Variants in KIAA1217 observed in about 807,000 individuals in gnomAD.
The protein encoded by KIAA1217 is KIAA1217.
In KIAA1217, 88 loss-of-function variants were observed where a neutral mutation model predicts 163.9. The ratio of observed to expected loss-of-function variants is 0.54; its 90% CI spans 0.45 to 0.64. The LOEUF (loss-of-function observed/expected upper bound fraction) is 0.64, where lower values mean the gene tolerates loss of function less well. Ranked by LOEUF, KIAA1217 falls within the 30% of genes least tolerant of loss-of-function variation. KIAA1217 has a pLI of 0.00. For synonymous variants in KIAA1217, 903 were observed against 923.1 expected (o/e 0.98, Z 0.39); for missense variants, 2,372 against 2,475.0 (o/e 0.96, Z 0.88).
At chr10:24,091,062 A>G (rs1218127879) in intron 2 of KIAA1217, among the ~76,000 whole-genome samples, 5 of 151,954 alleles carry the variant, frequency 3.3e-5, no homozygotes, top group Admixed American at 2.0e-4. Context: ...AGATGAGATT[A>G]CCACAGTAAG....
chr10:24,146,503 T>A (rs990680648), intron 2 of KIAA1217, among the ~76,000 whole-genome samples: 3 of 152,024 alleles, frequency 2.0e-5, no homozygotes, highest in African/African-American at 7.2e-5. Flanking sequence ...CTGGGCAACA[T>A]GACGAAACCC....
At chr10:23,713,840 C>A (rs1837405273) in intron 1 of KIAA1217, among the ~76,000 whole-genome samples, 1 of 152,080 alleles carries the variant, frequency 6.6e-6, no homozygotes, top group African/African-American at 2.4e-5. Context: ...CACCTATTTC[C>A]ACCTCTAGAC....
chr10:24,453,306 G>A (rs2061524753), intron 5 of KIAA1217, among the ~76,000 whole-genome samples: 1 of 152,182 alleles, frequency 6.6e-6, no homozygotes, highest in African/African-American at 2.4e-5. Context: ...TGTGGTACCT[G>A]AGTCCAGCCA....
In KIAA1217 at chr10:24,546,044, C is replaced by A; in HGVS notation, c.5552C>A (p.Ala1851Asp). 1 of 1,614,224 alleles carries A rather than the reference C, an allele frequency of 6.2e-7. No homozygotes were observed. Among genetic ancestry groups the A allele is most frequent in the African/African-American group, 1.3e-5 (1 of 75,060 alleles). ...SPQTGPPAHS[A>D]SLIPSVSNGS... is the part of the protein sequence containing the mutation. ...CAAACAGGACCACCTGCTCACTCTG[C>A]CTCCCTCATCCCTTCTGTCTCTAAT... Residue 1851 changes from alanine (A) to aspartate (D), a missense_variant, in exon 21 of 21, where the codon GCC becomes GAC. Coordinates refer to ENST00000376454, the MANE Select transcript of KIAA1217 (RefSeq NM_019590.5).
chr10:24,155,087 CT>C (rs1235841184), intron 2 of KIAA1217, among the ~76,000 whole-genome samples: 3 of 152,138 alleles, frequency 2.0e-5, no homozygotes, highest in African/African-American at 7.2e-5. Context: ...TGTGAAAGTA[CT>C]TAAGGCACTG....
intron 1 of KIAA1217, among the ~76,000 whole-genome samples, chr10:23,962,699 G>T (rs1389095155): frequency 6.6e-6 from 1 of 152,118 alleles, no homozygotes; most frequent in Non-Finnish European, 1.5e-5. Context: ...AAATTACTTT[G>T]CCCACACAGA....
intron 3 of KIAA1217, among the ~76,000 whole-genome samples, chr10:24,400,962 T>TACACACACACAC (rs375697958): frequency 0.025 from 2,896 of 117,120 alleles, 119 homozygotes; most frequent in African/African-American, 0.063. Context: ...GCAAGAAACA[T>TACACACACACAC]ACACACACAC....
chr10:24,543,146 T>C lies in KIAA1217; in HGVS notation c.3876T>C (p.Ser1292=). Residue 1292 remains serine, a synonymous_variant, in exon 19 of 21, where the codon TCT becomes TCC. Coordinates refer to ENST00000376454, the MANE Select transcript of KIAA1217 (RefSeq NM_019590.5). ...CTAAAATCTCAGGCCTGCAATACTC[T>C]ATACCTGACACCGAGAACCAGACGC... ...KGSKISGLQY[S]IPDTENQTLN... 1 of 1,613,552 alleles carries C rather than the reference T, an allele frequency of 6.2e-7. No homozygotes were observed. The highest frequency in any genetic ancestry group is 8.5e-7 in the Non-Finnish European group (1 of 1,180,002).
chr10:23,910,407 G>C (rs1842384343), intron 1 of KIAA1217, among the ~76,000 whole-genome samples: 1 of 152,040 alleles, frequency 6.6e-6, no homozygotes, highest in Non-Finnish European at 1.5e-5. Context: ...TTCTCAATAG[G>C]AAGAGAAGGA....
chr10:24,247,024 C>A lies in KIAA1217; in HGVS notation c.354+27115C>A, dbSNP rs67778321. Among the ~76,000 whole-genome samples, 176 of 86,286 alleles carry A rather than the reference C, an allele frequency of 2.0e-3. 1 individual carries two copies. Among genetic ancestry groups the A allele is most frequent in the Non-Finnish European group, 2.2e-3 (70 of 31,234 alleles). 56.6% of individuals were successfully genotyped at this position (86,286 alleles called of 152,430 possible). ...CAAGGCTCTGTCTCAAAAAAAAAAA[C>A]AACCATATATTATTCATTAAATGCA... On this transcript the variant is annotated intron_variant, in intron 2 of 20. Transcript: ENST00000376454.
chr10:24,109,931 T>A (rs758750793), intron 2 of KIAA1217, among the ~76,000 whole-genome samples: 2 of 152,240 alleles, frequency 1.3e-5, no homozygotes, highest in African/African-American at 2.4e-5. Flanking sequence ...AGTGGCACGA[T>A]CACTGCTCAC....
intron 1 of KIAA1217, among the ~76,000 whole-genome samples, chr10:23,754,202 C>T (rs1833800609): frequency 6.6e-6 from 1 of 152,080 alleles, no homozygotes; most frequent in Admixed American, 6.6e-5. Context: ...CATTGTTAAA[C>T]AAATGTATGA....
chr10:23,722,429 T>C (rs532093547), intron 1 of KIAA1217, among the ~76,000 whole-genome samples: 11 of 151,488 alleles, frequency 7.3e-5, no homozygotes, highest in African/African-American at 2.2e-4. Flanking sequence ...AAAGAATGGT[T>C]TTAGTAGTTT....
At chr10:24,065,207 C>G (rs2060890500) in intron 2 of KIAA1217, among the ~76,000 whole-genome samples, 1 of 152,084 alleles carries the variant, frequency 6.6e-6, no homozygotes, top group Non-Finnish European at 1.5e-5. Context: ...TTTGCTCTTG[C>G]TTCTCTAGTT....
At chr10:24,531,438 AT>A (rs967759053) in intron 14 of KIAA1217, among the ~76,000 whole-genome samples, 35 of 146,992 alleles carry the variant, frequency 2.4e-4, no homozygotes, top group East Asian at 9.9e-4. Flanking sequence ...TTGGGCTTCA[AT>A]TTTTTTTTTT....
intron 1 of KIAA1217, among the ~76,000 whole-genome samples, chr10:23,754,452 G>A (rs1399899890): frequency 6.6e-6 from 1 of 152,140 alleles, no homozygotes; most frequent in Non-Finnish European, 1.5e-5. Context: ...CTCTGCCCAG[G>A]AGCCTCTCTG....
intron 1 of KIAA1217, among the ~76,000 whole-genome samples, chr10:23,830,938 A>G (rs960693403): frequency 6.0e-5 from 9 of 150,504 alleles, no homozygotes; most frequent in African/African-American, 2.2e-4. Context: ...AGTCTCTCCA[A>G]ATGCCCACAG....
intron 2 of KIAA1217, among the ~76,000 whole-genome samples, chr10:24,316,144 C>T (rs1272810830): frequency 2.6e-5 from 4 of 152,166 alleles, no homozygotes; most frequent in Non-Finnish European, 4.4e-5. Context: ...AGGGTCCGCT[C>T]ACCTGCTTCA....
At chr10:24,309,518 T>C (rs2042437957) in intron 2 of KIAA1217, among the ~76,000 whole-genome samples, 1 of 152,204 alleles carries the variant, frequency 6.6e-6, no homozygotes, top group Non-Finnish European at 1.5e-5. Flanking sequence ...GTTCCCCTAT[T>C]GTATTTGACT....
Sources: gnomAD v4.1 joint callset for allele counts (sites outside exome capture counted in the v4.1 genomes callset) on GRCh38, gnomAD v4.1.1 for gene constraint, MANE v1.5 for transcripts, NCBI Gene and HGNC (gene_info 2026-07-23, HGNC 2026-07-21) for gene names.